CCDC7: variants seen among roughly 807,000 people sequenced by gnomAD.
CCDC7 encodes coiled-coil domain-containing protein 7.
In CCDC7, 183 loss-of-function variants were observed where a neutral mutation model predicts 196.9. The ratio of observed to expected loss-of-function variants is 0.93; its 90% CI spans 0.82 to 1.05. The LOEUF is 1.05. Ranked by LOEUF, CCDC7 falls within the 50% of genes least tolerant of loss-of-function variation. The probability of loss-of-function intolerance (pLI) is 0.00; values close to 1 mark genes in which losing one functional copy is unlikely to be tolerated. For missense variants in CCDC7, 1,540 were observed against 1,482.2 expected (o/e 1.04, Z -0.64); for synonymous variants, 525 against 484.6 (o/e 1.08, Z -1.10).
intron 24 of CCDC7, among the ~76,000 whole-genome samples, chr10:32,710,980 A>C (rs886649751): frequency 1.3e-5 from 2 of 152,184 alleles, no homozygotes; most frequent in Non-Finnish European, 2.9e-5. Flanking sequence ...CAAAGGTAGG[A>C]TGTATCAGCA....
intron 21 of CCDC7, among the ~76,000 whole-genome samples, chr10:32,671,843 G>C (rs1194562624): frequency 6.6e-6 from 1 of 152,132 alleles, no homozygotes; most frequent in East Asian, 1.9e-4. Context: ...TGGGAACTGA[G>C]GTTGGTGATG....
intron 33 of CCDC7, among the ~76,000 whole-genome samples, chr10:32,843,792 T>C (rs1245331078): frequency 6.6e-6 from 1 of 151,990 alleles, no homozygotes; most frequent in African/African-American, 2.4e-5. Flanking sequence ...GCTATATGAC[T>C]GCTCATATTC....
intron 21 of CCDC7, among the ~76,000 whole-genome samples, chr10:32,681,334 G>A (rs184067166): frequency 2.6e-5 from 4 of 152,210 alleles, no homozygotes; most frequent in Admixed American, 2.0e-4. Context: ...ACTGAGAAAA[G>A]TTTCTTTAAG....
chr10:32,740,479 C>T (rs1040164000), intron 28 of CCDC7, among the ~76,000 whole-genome samples: 2 of 152,022 alleles, frequency 1.3e-5, no homozygotes, highest in African/African-American at 4.8e-5. Flanking sequence ...GATGCAAAAC[C>T]CAACATATAC....
At chr10:32,614,856 C>G (rs1448082650) in intron 18 of CCDC7, among the ~76,000 whole-genome samples, 3 of 152,138 alleles carry the variant, frequency 2.0e-5, no homozygotes, top group Admixed American at 2.0e-4. Context: ...TCCATTGTAC[C>G]TATAGTTTAG....
intron 20 of CCDC7, among the ~76,000 whole-genome samples, chr10:32,648,017 T>TA (rs1392434587): frequency 3.9e-5 from 6 of 152,220 alleles, no homozygotes; most frequent in African/African-American, 7.2e-5. Flanking sequence ...AGGTGATAGA[T>TA]ATGGGTTCAA....
chr10:32,454,073 C>T (rs11008944), intron 2 of CCDC7, among the ~76,000 whole-genome samples: 13,424 of 152,062 alleles, frequency 0.088, 862 homozygotes, highest in East Asian at 0.33. Context: ...ATCTCAAAAA[C>T]ATTAGGATGT....
At chr10:32,662,340 G>A (rs1279362573) in intron 20 of CCDC7, among the ~76,000 whole-genome samples, 3 of 152,080 alleles carry the variant, frequency 2.0e-5, no homozygotes, top group African/African-American at 7.2e-5. Flanking sequence ...CAGATTTTTG[G>A]TTCCTACTAA....
intron 18 of CCDC7, among the ~76,000 whole-genome samples, chr10:32,588,064 CT>C (rs1452006043): frequency 2.6e-5 from 4 of 152,208 alleles, no homozygotes; most frequent in African/African-American, 9.6e-5. Context: ...TTGTCTGTCT[CT>C]TGTGAGCTTC....
intron 28 of CCDC7, among the ~76,000 whole-genome samples, chr10:32,731,792 G>A (rs142215710): frequency 6.6e-5 from 10 of 152,294 alleles, no homozygotes; most frequent in African/African-American, 1.9e-4. Context: ...GGTGACTCAA[G>A]CCTGTAATCC....
intron 31 of CCDC7, among the ~76,000 whole-genome samples, chr10:32,816,450 G>T (rs991217511): frequency 1.3e-5 from 2 of 152,228 alleles, no homozygotes; most frequent in African/African-American, 4.8e-5. Context: ...AACCTCTGCA[G>T]ACTTAAATGT....
At position 32,555,639 on chromosome 10, in the gene CCDC7, G is replaced by GA. The variant is rs1216440533; in HGVS notation, c.1135-9913dup. 2.2e-4 allele frequency among the ~76,000 whole-genome samples: 34 copies of GA among 152,152 alleles called. 1 individual carries two copies. The highest frequency in any genetic ancestry group is 4.0e-4 in the Non-Finnish European group (27 of 67,978). On this transcript the variant is annotated intron_variant, in intron 13 of 41. Coordinates refer to ENST00000639629, the Ensembl canonical transcript of CCDC7. ...AGAGTAGCATGCATATATAGGGTGGGAAAAAATTGTTGGTAGCCATTTATG... is the reference window on the plus strand; with the variant it reads ...AGAGTAGCATGCATATATAGGGTGGGAAAAAAATTGTTGGTAGCCATTTATG...
In CCDC7 at chr10:32,506,539, G is replaced by A. The variant is rs534215609; in HGVS notation, c.873-11406G>A. ...GGAGGTTGTAGCGAGCCGAGATCAC[G>A]CCACTGCACTCCAGCCTGGGCAACA... On this transcript the variant is annotated intron_variant, in intron 9 of 41. Transcript: ENST00000639629. 1.3e-3 allele frequency among the ~76,000 whole-genome samples: 200 copies of A among 152,282 alleles called. 1 individual carries two copies. Among genetic ancestry groups the A allele is most frequent in the African/African-American group, 4.5e-3 (187 of 41,560 alleles).
intron 13 of CCDC7, among the ~76,000 whole-genome samples, chr10:32,547,964 C>T (rs1158577205): frequency 1.3e-5 from 2 of 152,146 alleles, no homozygotes; most frequent in Non-Finnish European, 2.9e-5. Flanking sequence ...GCCCTCAAGT[C>T]CCCAAAGTCT....
intron 9 of CCDC7, among the ~76,000 whole-genome samples, chr10:32,500,392 T>G (rs1477718238): frequency 7.0e-6 from 1 of 142,216 alleles, no homozygotes; most frequent in African/African-American, 2.7e-5. Context: ...GCAGAGACAC[T>G]CCTCAGATCC....
chr10:32,483,058 C>T (rs2040292340), intron 8 of CCDC7, among the ~76,000 whole-genome samples: 1 of 152,128 alleles, frequency 6.6e-6, no homozygotes, highest in Non-Finnish European at 1.5e-5. Flanking sequence ...GTTCTAGATC[C>T]TTGAGGAATC....
At chr10:32,689,506 C>A (rs186671266) in intron 23 of CCDC7, among the ~76,000 whole-genome samples, 50 of 152,196 alleles carry the variant, frequency 3.3e-4, no homozygotes, top group African/African-American at 1.1e-3. Flanking sequence ...CACCAATCAG[C>A]AAAGATATTG....
exon 8 of CCDC7, chr10:32,473,967 A>G (rs1284379112): frequency 3.1e-6 from 5 of 1,607,492 alleles, no homozygotes; most frequent in Non-Finnish European, 8.5e-7. Flanking sequence ...TTTACTTCAG[A>G]ATTCTTAGAA....
At chr10:32,821,985 A>G (rs1414686730) in intron 31 of CCDC7, among the ~76,000 whole-genome samples, 5 of 134,594 alleles carry the variant, frequency 3.7e-5, no homozygotes, top group Non-Finnish European at 8.4e-5. Flanking sequence ...AAACAAAACA[A>G]TAAATAAAAG....
Sources: gnomAD v4.1 joint callset for allele counts (sites outside exome capture counted in the v4.1 genomes callset) on GRCh38, gnomAD v4.1.1 for gene constraint, MANE v1.5 for transcripts, NCBI Gene and HGNC (gene_info 2026-07-23, HGNC 2026-07-21) for gene names.